Variants in PTPRN2 observed in about 807,000 individuals in gnomAD.
PTPRN2 encodes the protein protein tyrosine phosphatase receptor type N2.
In PTPRN2, 74 loss-of-function variants were observed where a neutral mutation model predicts 118.8. The ratio of observed to expected loss-of-function variants is 0.62; its 90% CI spans 0.52 to 0.76. The LOEUF is 0.76. Ranked by LOEUF, PTPRN2 falls within the 30% of genes least tolerant of loss-of-function variation. PTPRN2 has a pLI of 0.00. For synonymous variants in PTPRN2, 641 were observed against 608.0 expected, an observed-to-expected ratio of 1.05 and a Z score of -0.80; for missense variants, 1,481 against 1,394.4, an observed-to-expected ratio of 1.06 and a Z score of -0.99.
In PTPRN2 at chr7:157,861,074, A is replaced by C. The variant is rs573008041; in HGVS notation, c.1788+37599T>G. Reference sequence around the variant, plus strand: ...TCTTTCTTGTGGGGGTTGGAAGAGGAACCCCACGGCACAGCGGACACCATG... The same window carrying C: ...TCTTTCTTGTGGGGGTTGGAAGAGGCACCCCACGGCACAGCGGACACCATG... On this transcript the variant is annotated intron_variant, in intron 12 of 22. Transcript: ENST00000389418. This position sits in a 1 kb window ranked among gnomAD's most constrained non-coding sequence, Gnocchi z 5.8. Among the ~76,000 whole-genome samples the C allele has an allele frequency of 3.3e-5, 5 of 152,250 alleles. No homozygotes were observed. In the East Asian group the frequency reaches 9.7e-4, roughly 30 times the overall value.
intron 11 of PTPRN2, among the ~76,000 whole-genome samples, chr7:157,969,410 G>T (rs1802164901): frequency 6.6e-6 from 1 of 152,176 alleles, no homozygotes; most frequent in South Asian, 2.1e-4. Flanking sequence ...GTGCCTGGCT[G>T]CCAGTATTTC....
intron 3 of PTPRN2, among the ~76,000 whole-genome samples, chr7:158,258,421 T>C (rs1043431460): frequency 2.8e-5 from 4 of 141,332 alleles, no homozygotes; most frequent in Non-Finnish European, 6.3e-5. Flanking sequence ...TGTCTGCATT[T>C]AATTTAAATT....
At chr7:158,532,775 C>T (rs374140691) in intron 1 of PTPRN2, 5 of 534,660 alleles carry the variant, frequency 9.4e-6, no homozygotes, top group African/African-American at 7.7e-5. Context: ...TACAAGACTA[C>T]ATTGAGCGTG....
intron 15 of PTPRN2, among the ~76,000 whole-genome samples, chr7:157,607,281 C>T (rs533494647): frequency 4.2e-4 from 64 of 152,336 alleles, no homozygotes; most frequent in Middle Eastern, 3.4e-3. Flanking sequence ...ACACAGACAC[C>T]GCAGCCAGAG....
chr7:158,549,022 G>A lies in PTPRN2; in HGVS notation c.112+38536C>T, dbSNP rs1826471446. Among the ~76,000 whole-genome samples the A allele has an allele frequency of 2.6e-5, 4 of 152,342 alleles. No homozygotes were observed. The South Asian group carries it at 8.3e-4, about 32-fold the overall frequency. On this transcript the variant is annotated intron_variant, in intron 1 of 22. Transcript: ENST00000389418. Reference sequence around the variant, plus strand: ...GTTGGCCTTGAGCTCCCTCCAAAGAGGAGATGCAGACAGCAGTGCCACCCC... The same window carrying A: ...GTTGGCCTTGAGCTCCCTCCAAAGAAGAGATGCAGACAGCAGTGCCACCCC...
At chr7:157,648,976 A>C (rs1585168864) in intron 14 of PTPRN2, among the ~76,000 whole-genome samples, 1 of 144,058 alleles carries the variant, frequency 6.9e-6, no homozygotes, top group South Asian at 2.4e-4. Flanking sequence ...GGTGGGTCGG[A>C]CCCATCCACT....
At chr7:158,247,097 T>C (rs1482095755) in intron 3 of PTPRN2, among the ~76,000 whole-genome samples, 1 of 152,166 alleles carries the variant, frequency 6.6e-6, no homozygotes, top group African/African-American at 2.4e-5. Flanking sequence ...ACGGGCTGCC[T>C]CAAGGAATGA....
intron 6 of PTPRN2, among the ~76,000 whole-genome samples, chr7:158,146,686 A>G (rs1271671161): frequency 6.8e-6 from 1 of 147,206 alleles, no homozygotes; most frequent in Non-Finnish European, 1.5e-5. Flanking sequence ...GCGCCACTGC[A>G]CTCCAGCCTG....
rs1181875157 is a variant in PTPRN2, at chr7:157,590,929, T to A, written c.2496+4309A>T. ...ATTAGCTGCTTGGAAAAGGTCTTTT[T>A]TCTTCTTAGCCATTGTACTGGGTAG... On this transcript the variant is annotated intron_variant, in intron 17 of 22. Coordinates refer to ENST00000389418, the MANE Select transcript of PTPRN2 (RefSeq NM_002847.5). The surrounding 1 kb of genome is among the most constrained non-coding windows in gnomAD (Gnocchi z 4.0). Among the ~76,000 whole-genome samples, 1 of 152,148 alleles carries A rather than the reference T, an allele frequency of 6.6e-6. No homozygotes were observed. The highest frequency in any genetic ancestry group is 6.5e-5 in the Admixed American group (1 of 15,272).
intron 1 of PTPRN2, among the ~76,000 whole-genome samples, chr7:158,516,487 G>A (rs1167828678): frequency 6.6e-6 from 1 of 152,038 alleles, no homozygotes; most frequent in Non-Finnish European, 1.5e-5. Flanking sequence ...CCCAGCCCTA[G>A]GCAGCCACAT....
intron 11 of PTPRN2, among the ~76,000 whole-genome samples, chr7:158,057,308 T>C (rs58783724): frequency 0.11 from 17,229 of 152,194 alleles, 2,533 homozygotes; most frequent in African/African-American, 0.34. Flanking sequence ...CTGAATCTCC[T>C]GACAGCCTCC....
intron 12 of PTPRN2, among the ~76,000 whole-genome samples, chr7:157,860,839 C>A (rs896387779): frequency 3.3e-5 from 5 of 152,252 alleles, no homozygotes; most frequent in Admixed American, 6.5e-5. Context: ...ACGGCCGGGG[C>A]TGGTCAGCTC....
intron 6 of PTPRN2, among the ~76,000 whole-genome samples, chr7:158,146,440 G>C (rs905291731): frequency 6.6e-5 from 10 of 152,064 alleles, no homozygotes; most frequent in African/African-American, 1.9e-4. Flanking sequence ...AGAAATAATA[G>C]GCTGGGCTTG....
chr7:157,843,527 A>G (rs946648055), intron 12 of PTPRN2, among the ~76,000 whole-genome samples: 6 of 152,194 alleles, frequency 3.9e-5, no homozygotes, highest in Admixed American at 3.9e-4. Context: ...AGAAGTCAAG[A>G]GGTCCCCTCC....
intron 2 of PTPRN2, among the ~76,000 whole-genome samples, chr7:158,336,908 A>AGCTG (rs1805677415): frequency 9.8e-6 from 1 of 101,958 alleles, no homozygotes; most frequent in Non-Finnish European, 2.2e-5. Context: ...TCACCATAAG[A>AGCTG]TCCGACGCCC....
chr7:158,239,561 T>C (rs1294817491), intron 3 of PTPRN2, among the ~76,000 whole-genome samples: 1 of 152,150 alleles, frequency 6.6e-6, no homozygotes, highest in Non-Finnish European at 1.5e-5. Flanking sequence ...GGACGTGGCT[T>C]TGTCTGCATC....
intron 12 of PTPRN2, among the ~76,000 whole-genome samples, chr7:157,775,792 G>C (rs1238489517): frequency 6.6e-6 from 1 of 152,118 alleles, no homozygotes; most frequent in African/African-American, 2.4e-5. Flanking sequence ...CTGCAGGCTG[G>C]GTTCCTCACA....
chr7:158,170,549 A>C (rs1490787491), intron 5 of PTPRN2, among the ~76,000 whole-genome samples: 1 of 152,266 alleles, frequency 6.6e-6, no homozygotes, highest in Non-Finnish European at 1.5e-5. Flanking sequence ...AAGAGGAAAA[A>C]GAATATTTCA....
chr7:157,965,024 G>A (rs537572286), intron 11 of PTPRN2, among the ~76,000 whole-genome samples: 12 of 152,260 alleles, frequency 7.9e-5, no homozygotes, highest in Admixed American at 2.0e-4. Context: ...CAGGGACACC[G>A]GCCCCTTCAT....
Sources: gnomAD v4.1 joint callset for allele counts (sites outside exome capture counted in the v4.1 genomes callset) on GRCh38, gnomAD v4.1.1 for gene constraint, Gnocchi (gnomAD v3.1) non-coding constraint, MANE v1.5 for transcripts, NCBI Gene and HGNC (gene_info 2026-07-23, HGNC 2026-07-21) for gene names.